The following CDIN1 variants were observed in gnomAD, a reference collection of about 807,000 sequenced individuals.
The protein encoded by CDIN1 is CDAN1 interacting nuclease 1, also known as CDAN1-interacting nuclease 1.
Under a neutral mutation model 45.3 loss-of-function variants are expected in CDIN1, and 33 were observed. The observed-to-expected ratio is 0.73, with a 90% CI of 0.55 to 0.97. CDIN1 has a LOEUF of 0.97. Among genes scored for constraint, CDIN1 ranks in the 50% least tolerant of loss-of-function variants. The probability of loss-of-function intolerance (pLI) is 0.00; values close to 1 mark genes in which losing one functional copy is unlikely to be tolerated. For missense variants in CDIN1, 303 were observed against 339.4 expected, an observed-to-expected ratio of 0.89 and a Z score of 0.84; for synonymous variants, 118 against 124.4, an observed-to-expected ratio of 0.95 and a Z score of 0.34.
At chr15:36,595,541 G>T (rs2037779936) in intron 1 of CDIN1, among the ~76,000 whole-genome samples, 1 of 152,044 alleles carries the variant, frequency 6.6e-6, no homozygotes, top group African/African-American at 2.4e-5. Flanking sequence ...TGAATAGTCT[G>T]CCCTAATAAT....
chr15:36,609,957 G>A (rs1368561800), intron 1 of CDIN1, among the ~76,000 whole-genome samples: 1 of 152,200 alleles, frequency 6.6e-6, no homozygotes, highest in African/African-American at 2.4e-5. Flanking sequence ...AAAGATGAGA[G>A]CTTCTGCCTT....
At chr15:36,703,485 T>TG (rs2042750922) in intron 8 of CDIN1, among the ~76,000 whole-genome samples, 1 of 133,968 alleles carries the variant, frequency 7.5e-6, no homozygotes, top group African/African-American at 2.8e-5. Flanking sequence ...CGGGGTGATT[T>TG]GGGGTCACAT....
intron 1 of CDIN1, among the ~76,000 whole-genome samples, chr15:36,638,010 T>C (rs2039969539): frequency 6.6e-6 from 1 of 152,202 alleles, no homozygotes; most frequent in African/African-American, 2.4e-5. Flanking sequence ...GGCAGTGTTC[T>C]GTTTGTTAAC....
At chr15:36,732,387 C>CA (rs5811932) in intron 10 of CDIN1, among the ~76,000 whole-genome samples, 30 of 148,544 alleles carry the variant, frequency 2.0e-4, no homozygotes, top group East Asian at 9.8e-4. Context: ...CATCAGACTA[C>CA]AAAAAAAAAA....
intron 10 of CDIN1, among the ~76,000 whole-genome samples, chr15:36,800,568 A>C (rs1595618275): frequency 6.6e-6 from 1 of 152,276 alleles, no homozygotes; most frequent in East Asian, 1.9e-4. Flanking sequence ...TACATACAAC[A>C]GTGATTAACA....
At chr15:36,756,596 T>TA (rs914357540) in intron 10 of CDIN1, among the ~76,000 whole-genome samples, 3 of 152,132 alleles carry the variant, frequency 2.0e-5, no homozygotes. Flanking sequence ...GAGGATAGTT[T>TA]AAAAAAATAA....
chr15:36,774,824 G>A (rs1315537585), intron 10 of CDIN1, among the ~76,000 whole-genome samples: 2 of 152,164 alleles, frequency 1.3e-5, no homozygotes, highest in Non-Finnish European at 2.9e-5. Context: ...TTAAATTTGT[G>A]CTCTTGACGC....
At chr15:36,774,133 G>GGGGTGTGTGTGT (rs1555407049) in intron 10 of CDIN1, among the ~76,000 whole-genome samples, 1 of 138,746 alleles carries the variant, frequency 7.2e-6, no homozygotes, top group African/African-American at 2.7e-5. Flanking sequence ...AACTGACAGG[G>GGGGTGTGTGTGT]GTGTGTGTGT....
At chr15:36,743,549 T>A (rs1211204770) in intron 10 of CDIN1, among the ~76,000 whole-genome samples, 2 of 151,984 alleles carry the variant, frequency 1.3e-5, no homozygotes, top group Admixed American at 1.3e-4. Flanking sequence ...GAAACCCAGG[T>A]ATGGAGTGAG....
At chr15:36,745,282 TC>T (rs2044381137) in intron 10 of CDIN1, among the ~76,000 whole-genome samples, 1 of 152,202 alleles carries the variant, frequency 6.6e-6, no homozygotes, top group African/African-American at 2.4e-5. Flanking sequence ...GTCATTATTT[TC>T]CATTAAATTT....
chr15:36,797,598 T>C (rs1187217289), intron 10 of CDIN1, among the ~76,000 whole-genome samples: 1 of 152,214 alleles, frequency 6.6e-6, no homozygotes, highest in African/African-American at 2.4e-5. Flanking sequence ...AATAGATTCC[T>C]ACCAGCAATC....
At position 36,687,462 on chromosome 15, in the gene CDIN1, A is replaced by T. The variant is rs918287729; in HGVS notation, c.347-4223A>T. ...TATGTGAGGGAGGCAGATCCTATCC[A>T]AAAGAAAAGTGTTGCAGAAGTATTA... is the stretch of plus-strand genomic sequence containing the variant. On this transcript the variant is annotated intron_variant, in intron 5 of 10. Transcript: ENST00000566621. Among the ~76,000 whole-genome samples the T allele has an allele frequency of 1.4e-4, 21 of 152,328 alleles. 1 individual carries two copies. The highest frequency in any genetic ancestry group is 1.2e-3 in the East Asian group (6 of 5,190).
At chr15:36,771,927 C>CAAA (rs373077953) in intron 10 of CDIN1, among the ~76,000 whole-genome samples, 11 of 126,496 alleles carry the variant, frequency 8.7e-5, no homozygotes, top group Non-Finnish European at 9.7e-5. Flanking sequence ...GACTCAGTCT[C>CAAA]AAAAAAAAAA....
In CDIN1 at chr15:36,808,521, C is replaced by G. The variant is rs545810889; in HGVS notation, c.*68C>G. ...CCGGAAGCAATTTTACTTTCCTGCA[C>G]TGTAAGATCCTGGCAACATCTGCCC... is the stretch of plus-strand genomic sequence containing the variant. On this transcript the variant is annotated 3_prime_UTR_variant, in exon 11 of 11. Transcript: ENST00000566621. 3.1e-5 allele frequency: 48 copies of G among 1,573,160 alleles called. No homozygotes were observed. In the African/African-American group the frequency reaches 6.1e-4, roughly 20 times the overall value.
intron 10 of CDIN1, among the ~76,000 whole-genome samples, chr15:36,716,947 A>C (rs2140862984): frequency 6.6e-6 from 1 of 152,264 alleles, no homozygotes; most frequent in East Asian, 1.9e-4. Flanking sequence ...TCTCTTTGTG[A>C]ACTCCACACC....
At chr15:36,770,325 A>T (rs1010418698) in intron 10 of CDIN1, among the ~76,000 whole-genome samples, 1 of 151,838 alleles carries the variant, frequency 6.6e-6, no homozygotes, top group South Asian at 2.1e-4. Context: ...AGCAAAAAAA[A>T]AGGGGAAAGG....
At chr15:36,694,702 C>G (rs187534591) in intron 7 of CDIN1, among the ~76,000 whole-genome samples, 26 of 152,214 alleles carry the variant, frequency 1.7e-4, no homozygotes, top group Admixed American at 3.9e-4. Context: ...CAAAGTGTGA[C>G]TCCAGGACAC....
intron 1 of CDIN1, among the ~76,000 whole-genome samples, chr15:36,632,673 A>G (rs1326418055): frequency 6.6e-6 from 1 of 152,074 alleles, no homozygotes; most frequent in African/African-American, 2.4e-5. Flanking sequence ...CTGCTAATCA[A>G]TTGTCAGTTT....
intron 10 of CDIN1, among the ~76,000 whole-genome samples, chr15:36,744,094 C>A (rs2044335256): frequency 6.7e-6 from 1 of 149,668 alleles, no homozygotes; most frequent in African/African-American, 2.5e-5. Context: ...ACATTTTTTT[C>A]TGTCCTTCCA....
Sources: allele counts gnomAD v4.1 joint callset (sites outside exome capture counted in the v4.1 genomes callset), GRCh38; gene constraint gnomAD v4.1.1; transcripts MANE v1.5; gene names NCBI Gene and HGNC (gene_info 2026-07-23, HGNC 2026-07-21).